The following BRD10 variants were observed in gnomAD, a reference collection of about 807,000 sequenced individuals.
BRD10 encodes the protein bromodomain containing 10, also known as uncharacterized bromodomain-containing protein 10.
the BRD10 span, among the ~76,000 whole-genome samples, chr9:5,929,588 T>C: frequency 3.3e-5 from 5 of 152,256 alleles, no homozygotes; most frequent in South Asian, 1.0e-3. Flanking sequence ...CTAAAAGCAG[T>C]CTTTTTAACA....
At chr9:5,884,963 T>C in the BRD10 span, among the ~76,000 whole-genome samples, 13 of 152,186 alleles carry the variant, frequency 8.5e-5, no homozygotes, top group African/African-American at 2.4e-4. Context: ...CCTCCTTTGC[T>C]GCTTCCTGAG....
the BRD10 span, among the ~76,000 whole-genome samples, chr9:5,999,219 T>C: frequency 1.1e-4 from 16 of 152,062 alleles, no homozygotes; most frequent in African/African-American, 3.6e-4. Flanking sequence ...AGAGAGAAGA[T>C]TGAAATTATT....
At chr9:5,922,321 A>C in the BRD10 span, 13 of 1,613,994 alleles carry the variant, frequency 8.1e-6, no homozygotes, top group South Asian at 1.3e-4. Context: ...TGGTCGGTGA[A>C]GCACTGGGCA....
At chr9:5,973,275 T>G in the BRD10 span, among the ~76,000 whole-genome samples, 20 of 152,268 alleles carry the variant, frequency 1.3e-4, no homozygotes, top group South Asian at 3.5e-3. Flanking sequence ...GAGACCAGCC[T>G]GGCCAACAAG....
At chr9:5,975,134 A>T in the BRD10 span, among the ~76,000 whole-genome samples, 2 of 152,106 alleles carry the variant, frequency 1.3e-5, no homozygotes, top group African/African-American at 4.8e-5. Flanking sequence ...AATGATACAC[A>T]TATTAGAACT....
chr9:5,878,904 C>T, the BRD10 span, among the ~76,000 whole-genome samples: 2 of 152,160 alleles, frequency 1.3e-5, no homozygotes, highest in African/African-American at 2.4e-5. Flanking sequence ...CAATAATGTA[C>T]CCTGGAAGAA....
chr9:5,902,848 T>C, the BRD10 span, among the ~76,000 whole-genome samples: 1 of 152,128 alleles, frequency 6.6e-6, no homozygotes, highest in Non-Finnish European at 1.5e-5. Flanking sequence ...CTCTAATTTT[T>C]ATTTTTCCGC....
the BRD10 span, among the ~76,000 whole-genome samples, chr9:5,981,478 C>T: frequency 6.6e-6 from 1 of 152,206 alleles, no homozygotes; most frequent in African/African-American, 2.4e-5. Context: ...GATACCAACA[C>T]TGACAGATAC....
chr9:5,994,332 T>C, the BRD10 span, among the ~76,000 whole-genome samples: 1 of 152,200 alleles, frequency 6.6e-6, no homozygotes, highest in African/African-American at 2.4e-5. Flanking sequence ...TGTTTGCTGC[T>C]TGAGAAGCCA....
chr9:5,906,857 C>A, the BRD10 span: 2 of 1,398,150 alleles, frequency 1.4e-6, no homozygotes, highest in Admixed American at 2.4e-5. Context: ...TCTTCTCACC[C>A]ACTCACCTTT....
the BRD10 span, among the ~76,000 whole-genome samples, chr9:5,983,670 C>A: frequency 3.3e-5 from 5 of 152,046 alleles, no homozygotes; most frequent in Non-Finnish European, 7.4e-5. Context: ...GAAAAGAGCA[C>A]AGAGAAGACT....
chr9:5,975,333 G>C, the BRD10 span, among the ~76,000 whole-genome samples: 5 of 151,736 alleles, frequency 3.3e-5, no homozygotes, highest in African/African-American at 4.8e-5. Context: ...CAACTACTTG[G>C]GAGGCTGAAG....
chr9:5,933,638 ATAACT>A, the BRD10 span: 7 of 375,216 alleles, frequency 1.9e-5, no homozygotes, highest in Non-Finnish European at 3.8e-5. Flanking sequence ...TAACAGATTA[ATAACT>A]TAAGGAATCA....
chr9:5,908,799 T>C, the BRD10 span: 35 of 1,313,430 alleles, frequency 2.7e-5, no homozygotes, highest in South Asian at 3.8e-4. Flanking sequence ...TCCTTTGGAA[T>C]GGTGTAGGAA....
the BRD10 span, among the ~76,000 whole-genome samples, chr9:5,950,581 C>A: frequency 6.6e-6 from 1 of 152,134 alleles, no homozygotes; most frequent in East Asian, 1.9e-4. Flanking sequence ...GAGGATGAAA[C>A]CAACAATCTT....
At chr9:5,913,897 T>G in the BRD10 span, 2 of 345,924 alleles carry the variant, frequency 5.8e-6, no homozygotes, top group Admixed American at 4.1e-5. Flanking sequence ...GCAGCTCATA[T>G]GAAAATATCA....
the BRD10 span, among the ~76,000 whole-genome samples, chr9:5,934,468 C>G: frequency 6.7e-6 from 1 of 150,238 alleles, no homozygotes; most frequent in Non-Finnish European, 1.5e-5. Context: ...AAGCAATTCT[C>G]CTGCCTCAGT....
At chr9:6,000,853 A>G in the BRD10 span, among the ~76,000 whole-genome samples, 3 of 152,152 alleles carry the variant, frequency 2.0e-5, no homozygotes, top group Non-Finnish European at 2.9e-5. Context: ...ATCCTCACAC[A>G]AAGTTCTGCC....
the BRD10 span, among the ~76,000 whole-genome samples, chr9:5,925,729 T>A: frequency 1.3e-5 from 2 of 152,168 alleles, no homozygotes; most frequent in African/African-American, 4.8e-5. Flanking sequence ...TGAAAAGTAA[T>A]CTTTCACAGA....
Sources: gnomAD v4.1 joint callset for allele counts (sites outside exome capture counted in the v4.1 genomes callset) on GRCh38, gnomAD v4.1.1 for gene constraint, MANE v1.5 for transcripts, NCBI Gene and HGNC (gene_info 2026-07-23, HGNC 2026-07-21) for gene names.